MERTK: variants seen among roughly 807,000 people sequenced by gnomAD.
MERTK encodes MER proto-oncogene, tyrosine kinase, also known as tyrosine-protein kinase Mer.
Under a neutral mutation model 99.3 loss-of-function variants are expected in MERTK, and 69 were observed. The observed-to-expected ratio is 0.70, with a 90% CI of 0.57 to 0.85. The LOEUF (loss-of-function observed/expected upper bound fraction) is 0.85. MERTK is among the 40% of genes least tolerant of loss of function. The pLI is 0.00. For missense variants in MERTK, 1,125 were observed against 1,249.4 expected (o/e 0.90, Z 1.50); for synonymous variants, 426 against 467.6 (o/e 0.91, Z 1.15).
At chr2:111,920,661 A>G (rs1243151831) in intron 1 of MERTK, among the ~76,000 whole-genome samples, 1 of 126,848 alleles carries the variant, frequency 7.9e-6, no homozygotes, top group Non-Finnish European at 1.7e-5. Context: ...TTATTTATTT[A>G]TTTATTTTCC....
chr2:111,968,185 A>G lies in MERTK; in HGVS notation c.893A>G (p.His298Arg), dbSNP rs1440656248. ...GTCAGCATCCGTAACAGCACTGCACACAGCATTCTGATCTCCTGGGTTCCT... is the reference window on the plus strand; with the variant it reads ...GTCAGCATCCGTAACAGCACTGCACGCAGCATTCTGATCTCCTGGGTTCCT... ...TEVSIRNSTA[H>R]SILISWVPGF... Residue 298 changes from histidine (H) to arginine (R), a missense_variant, in exon 6 of 19, where the codon CAC becomes CGC. Transcript: ENST00000295408. 6.2e-7 allele frequency: 1 copy of G among 1,613,996 alleles called. No homozygotes were observed. The highest frequency in any genetic ancestry group is 8.5e-7 in the Non-Finnish European group (1 of 1,180,026).
At chr2:111,968,680 TC>T (rs1202105473) in intron 6 of MERTK, among the ~76,000 whole-genome samples, 2 of 152,212 alleles carry the variant, frequency 1.3e-5, no homozygotes, top group South Asian at 2.1e-4. Flanking sequence ...CAGGCGTGCA[TC>T]ACCATGCCCG....
At chr2:111,916,670 G>A (rs527932270) in intron 1 of MERTK, among the ~76,000 whole-genome samples, 9 of 151,990 alleles carry the variant, frequency 5.9e-5, no homozygotes, top group Non-Finnish European at 2.9e-5. Context: ...TTTTATGATT[G>A]CTTCTTTAAA....
intron 4 of MERTK, among the ~76,000 whole-genome samples, chr2:111,964,369 G>A (rs989808183): frequency 6.6e-5 from 1 of 15,154 alleles, no homozygotes; most frequent in African/African-American, 1.1e-4. Context: ...TCATTGTCTC[G>A]TGTGTGTGTG....
chr2:111,913,513 CTT>C (rs1684289668), intron 1 of MERTK, among the ~76,000 whole-genome samples: 1 of 152,020 alleles, frequency 6.6e-6, no homozygotes, highest in Non-Finnish European at 1.5e-5. Flanking sequence ...TCCAAGGAGA[CTT>C]TTTTATAGAT....
chr2:112,004,435 G>A (rs1022223880), intron 13 of MERTK, among the ~76,000 whole-genome samples: 3 of 152,108 alleles, frequency 2.0e-5, no homozygotes, highest in African/African-American at 7.2e-5. Context: ...AGGAAGCTGC[G>A]GGCTGCCTGG....
At chr2:111,940,246 G>C (rs985302204) in intron 2 of MERTK, 4 of 303,406 alleles carry the variant, frequency 1.3e-5, no homozygotes, top group Non-Finnish European at 2.7e-5. Flanking sequence ...AAGTATACAT[G>C]GTTCCCAATT....
At chr2:112,008,551 T>G (rs762896719) in intron 14 of MERTK, 76 bp downstream of exon 14, 5 of 1,097,266 alleles carry the variant, frequency 4.6e-6, no homozygotes, top group Non-Finnish European at 5.6e-6. Flanking sequence ...AAAAAATCTC[T>G]GGTGTAGATA....
rs1684855838 is a variant in MERTK, at chr2:111,940,982, A to C, written c.483-3978A>C. On this transcript the variant is annotated intron_variant, in intron 2 of 18. Coordinates refer to ENST00000295408, the MANE Select transcript of MERTK (RefSeq NM_006343.3). ...TTTCTAAATTCTGTTTCATCTTTGC[A>C]GTTGAAACCGGCGGGGTTGTGGTAG... The C allele has an allele frequency of 9.9e-6, 6 of 607,046 alleles. No individual in the cohort carries two copies. In the East Asian group the frequency reaches 2.1e-4, roughly 21 times the overall value. 37.6% of individuals were successfully genotyped at this position (607,046 alleles called of 1,614,324 possible).
intron 4 of MERTK, among the ~76,000 whole-genome samples, chr2:111,955,531 A>C (rs1351841966): frequency 6.6e-6 from 1 of 152,196 alleles, no homozygotes; most frequent in African/African-American, 2.4e-5. Context: ...ATAAAATTGC[A>C]TAAACCTATA....
intron 2 of MERTK, among the ~76,000 whole-genome samples, chr2:111,943,698 T>C (rs959754426): frequency 1.3e-5 from 2 of 152,130 alleles, no homozygotes; most frequent in African/African-American, 4.8e-5. Context: ...TGAGAGACCT[T>C]ACAAAATGAT....
At chr2:111,989,457 C>T (rs1427266689) in intron 8 of MERTK, among the ~76,000 whole-genome samples, 5 of 151,608 alleles carry the variant, frequency 3.3e-5, no homozygotes, top group Admixed American at 1.3e-4. Flanking sequence ...TCCAGGTTCA[C>T]GCCATTCTCC....
intron 1 of MERTK, among the ~76,000 whole-genome samples, chr2:111,915,041 TA>T (rs1033868416): frequency 6.6e-6 from 1 of 152,196 alleles, no homozygotes; most frequent in African/African-American, 2.4e-5. Context: ...TTCGGTAGTT[TA>T]AAAAATTATG....
In MERTK at chr2:112,029,355, T is replaced by A. The variant is rs539831515; in HGVS notation, c.*491T>A. On this transcript the variant is annotated 3_prime_UTR_variant, in exon 19 of 19. Transcript: ENST00000295408. ...TTTCTGATATGGCTTCCTAATAAAATATGAATAAGGAAGGATATGTTGAAC... is the reference window on the plus strand; with the variant it reads ...TTTCTGATATGGCTTCCTAATAAAAAATGAATAAGGAAGGATATGTTGAAC... 66 of 938,842 alleles carry A rather than the reference T, an allele frequency of 7.0e-5. No individual in the cohort carries two copies. In the South Asian group the frequency reaches 2.6e-3, roughly 37 times the overall value. The allele number at this position is 938,842 out of a possible 1,614,324, so 58.2% of individuals were successfully genotyped here. A position where few individuals can be genotyped will look rare whatever the true frequency, so the allele number is the denominator to read the frequency against.
chr2:111,996,303 A>C (rs1266597671), intron 9 of MERTK: 2 of 154,408 alleles, frequency 1.3e-5, no homozygotes, highest in South Asian at 2.0e-4. Context: ...CTGGCTCTTC[A>C]GGCCACCAAC....
At chr2:111,996,931 T>A (rs950524340) in intron 9 of MERTK, 31 of 261,074 alleles carry the variant, frequency 1.2e-4, no homozygotes, top group Non-Finnish European at 2.2e-4. Context: ...CTTTAATTTT[T>A]CATGTTTCTA....
At chr2:111,912,873 G>C in intron 1 of MERTK, 1 of 202,126 alleles carries the variant, frequency 4.9e-6, no homozygotes, top group Non-Finnish European at 8.8e-6. Context: ...GGACTGCAAG[G>C]TTAGGGTAGT....
At chr2:112,013,036 T>TC (rs1677139083) in intron 15 of MERTK, among the ~76,000 whole-genome samples, 1 of 152,244 alleles carries the variant, frequency 6.6e-6, no homozygotes, top group East Asian at 1.9e-4. Flanking sequence ...TTGCTTTTTT[T>TC]CCCCCTTTTA....
At chr2:111,944,822 G>C in intron 2 of MERTK, 138 bp from the exon 3 acceptor site, 2 of 731,560 alleles carry the variant, frequency 2.7e-6, no homozygotes, top group Non-Finnish European at 4.7e-6. Flanking sequence ...CCAAACAACT[G>C]CGTACAATGG....
Sources: gnomAD v4.1 joint callset for allele counts (sites outside exome capture counted in the v4.1 genomes callset) on GRCh38, gnomAD v4.1.1 for gene constraint, MANE v1.5 for transcripts, NCBI Gene and HGNC (gene_info 2026-07-23, HGNC 2026-07-21) for gene names.